Variants in LCE5A observed in about 807,000 individuals in gnomAD.
LCE5A encodes the protein late cornified envelope 5A, also known as late cornified envelope protein 5A.
For synonymous variants in LCE5A, 51 were observed against 54.2 expected (o/e 0.94, Z 0.26); for missense variants, 139 against 147.2 (o/e 0.94, Z 0.29).
chr1:152,511,166 T>C (rs1658557189), intron 1 of LCE5A, among the ~76,000 whole-genome samples, 168 bp downstream of exon 1: 1 of 152,144 alleles, frequency 6.6e-6, no homozygotes, highest in Non-Finnish European at 1.5e-5. Context: ...GGCTCATGCC[T>C]GTAATCCCAG....
Position 152,512,033 on chromosome 1 carries a change from G to C in LCE5A, c.*142G>C. On this transcript the variant is annotated 3_prime_UTR_variant, in exon 2 of 2. Coordinates refer to ENST00000334269, the MANE Select transcript of LCE5A (RefSeq NM_178438.5). Reference sequence around the variant, plus strand: ...AAGTTCCCCTCTTTATCCTGCCCATGTTCACTCCATTGTAGGGTTGAAGTC... The same window carrying C: ...AAGTTCCCCTCTTTATCCTGCCCATCTTCACTCCATTGTAGGGTTGAAGTC... 2 of 727,346 alleles carry C rather than the reference G, an allele frequency of 2.7e-6. 1 individual carries two copies. The highest frequency in any genetic ancestry group is 4.5e-6 in the Non-Finnish European group (2 of 440,510). The allele number at this position is 727,346 out of a possible 1,614,324, so 45.1% of individuals were successfully genotyped here.
rs114266562 is a variant in LCE5A at position 152,511,643 on chromosome 1, C to T, written c.109C>T (p.Pro37Ser). 3 of 1,614,022 alleles carry T rather than the reference C, an allele frequency of 1.9e-6. No individual in the cohort carries two copies. The highest frequency in any genetic ancestry group is 2.5e-6 in the Non-Finnish European group (3 of 1,180,018). ...KCPPKCPPKC[P>S]PQCSAPCPPP... ...TCCTCCCAAGTGTCCCCCAAAATGC[C>T]CTCCCCAGTGTTCAGCCCCATGCCC... is the stretch of plus-strand genomic sequence containing the variant. Residue 37 changes from proline (P) to serine (S), a missense_variant, in exon 2 of 2, where the codon CCT becomes TCT. Pro to Ser is a moderately conservative substitution (Grantham distance 74). Transcript: ENST00000334269.
Position 152,511,950 on chromosome 1 carries a change from G to A in LCE5A, c.*59G>A. On this transcript the variant is annotated 3_prime_UTR_variant, in exon 2 of 2. Coordinates refer to ENST00000334269, the MANE Select transcript of LCE5A (RefSeq NM_178438.5). ...GGCAGATCCCAGGTGCTGAAGATGT[G>A]TGTCAGCCTGAGGCTTCTTTTCTCT... 6.8e-6 allele frequency: 10 copies of A among 1,470,356 alleles called. No homozygotes were observed. Among genetic ancestry groups the A allele is most frequent in the Non-Finnish European group, 9.2e-6 (10 of 1,088,370 alleles). The allele number at this position is 1,470,356 out of a possible 1,614,324, so 91.1% of individuals were successfully genotyped here. A position where few individuals can be genotyped will look rare whatever the true frequency, so the allele number is the denominator to read the frequency against.
At position 152,511,738 on chromosome 1, in the gene LCE5A, C is replaced by T; in HGVS notation, c.204C>T (p.Cys68=). Residue 68 remains cysteine, a synonymous_variant, in exon 2 of 2, where the codon TGC becomes TGT. Transcript: ENST00000334269. ...GCAGCTCTGAGGGTGGTGGCTGCTG[C>T]CTGAGCCACCACAGGCCCCGCCAGT... ...GCCSSEGGGC[C]LSHHRPRQSL... 1 of 1,614,014 alleles carries T rather than the reference C, an allele frequency of 6.2e-7. No homozygotes were observed. The highest frequency in any genetic ancestry group is 8.5e-7 in the Non-Finnish European group (1 of 1,179,916).
Position 152,511,878 on chromosome 1 carries a change from G to T in LCE5A, c.344G>T (p.Gly115Val). 6.2e-7 allele frequency: 1 copy of T among 1,612,056 alleles called. No individual in the cohort carries two copies. Among genetic ancestry groups the T allele is most frequent in the Non-Finnish European group, 8.5e-7 (1 of 1,178,966 alleles). The change falls in exon 2 of 2, where the codon GGA becomes GTA. Residue 115 changes from glycine to valine, a missense_variant. Physicochemically the swap from Gly to Val is moderately radical, Grantham distance 109. Coordinates refer to ENST00000334269, the MANE Select transcript of LCE5A (RefSeq NM_178438.5). The part of the protein sequence containing the change: ...SGGSGCCHSS[G>V]GCC ...GGCTCTGGCTGCTGCCACAGCTCTG[G>T]AGGCTGCTGCTGACCTGGGCCATGA...
Position 152,511,036 on chromosome 1 carries a change from G to T in LCE5A, c.-22+38G>T, listed in dbSNP as rs151260858. On this transcript the variant is annotated intron_variant, in intron 1 of 1. Transcript: ENST00000334269. Reference sequence around the variant, plus strand: ...AATGAAGGACTGATGCCTTTCTGAAGTTCCAAGTTATTCATTTGAAAATAT... The same window carrying T: ...AATGAAGGACTGATGCCTTTCTGAATTTCCAAGTTATTCATTTGAAAATAT... The T allele has an allele frequency of 1.1e-3, 168 of 153,532 alleles. 1 individual carries two copies. The highest frequency in any genetic ancestry group is 0.01 in the Middle Eastern group (3 of 294). The allele number at this position is 153,532 out of a possible 1,614,324, so 9.5% of individuals were successfully genotyped here.
At position 152,510,823 on chromosome 1, in the gene LCE5A, G is replaced by C. The variant is rs1658549717; in HGVS notation, c.-197G>C. ...ACCTCAGTCTACCTGTCTCCTGAGT[G>C]ATCTGCTGCAGTGCCTGAACCAGGT... On this transcript the variant is annotated 5_prime_UTR_variant, in exon 1 of 2. Transcript: ENST00000334269. The C allele has an allele frequency of 6.6e-6, 1 of 152,374 alleles. No homozygotes were observed. Among genetic ancestry groups the C allele is most frequent in the South Asian group, 2.1e-4 (1 of 4,830 alleles). 9.4% of individuals were successfully genotyped at this position (152,374 alleles called of 1,614,324 possible).
rs553052046 is a variant in LCE5A, at chr1:152,510,828, G to C, written c.-192G>C. On this transcript the variant is annotated 5_prime_UTR_variant, in exon 1 of 2. Coordinates refer to ENST00000334269, the MANE Select transcript of LCE5A (RefSeq NM_178438.5). Reference sequence around the variant, plus strand: ...AGTCTACCTGTCTCCTGAGTGATCTGCTGCAGTGCCTGAACCAGGTAGAGT... The same window carrying C: ...AGTCTACCTGTCTCCTGAGTGATCTCCTGCAGTGCCTGAACCAGGTAGAGT... 1 of 152,492 alleles carries C rather than the reference G, an allele frequency of 6.6e-6. No individual in the cohort carries two copies. The highest frequency in any genetic ancestry group is 1.5e-5 in the Non-Finnish European group (1 of 68,194). The allele number at this position is 152,492 out of a possible 1,614,324, so 9.4% of individuals were successfully genotyped here.
At chr1:152,511,384 T>G in intron 1 of LCE5A, 130 bp from the exon 2 acceptor site, 1 of 679,172 alleles carries the variant, frequency 1.5e-6, no homozygotes, top group Non-Finnish European at 2.5e-6. Context: ...AGTGACAGAG[T>G]GAGACTCCAT....
In LCE5A at chr1:152,511,539, C is replaced by T. The variant is rs868399599; in HGVS notation, c.5C>T (p.Ser2Phe). The change falls in exon 2 of 2, where the codon TCC (serine) becomes TTC (phenylalanine). Residue 2 changes from serine to phenylalanine, a missense_variant. Ser to Phe is a radical substitution (Grantham distance 155). Transcript: ENST00000334269. M[S>F]CQQSQQQCQP... ...CTTTATTCAGCTTCTACAGAGATGT[C>T]CTGCCAGCAGAGCCAGCAGCAGTGC... is the stretch of plus-strand genomic sequence containing the variant. The T allele has an allele frequency of 1.9e-6, 3 of 1,613,714 alleles. No homozygotes were observed. The highest frequency in any genetic ancestry group is 1.7e-5 in the Admixed American group (1 of 60,024).
chr1:152,511,664 T>A lies in LCE5A; in HGVS notation c.130T>A (p.Cys44Ser). 1 of 1,614,156 alleles carries A rather than the reference T, an allele frequency of 6.2e-7. No homozygotes were observed. ...ATGCCCTCCCCAGTGTTCAGCCCCA[T>A]GCCCACCTCCAGTCTCTTCCTGCTG... ...PKCPPQCSAP[C>S]PPPVSSCCGS... The change falls in exon 2 of 2, where the codon TGC (cysteine) becomes AGC (serine). Residue 44 changes from cysteine to serine, a missense_variant. Transcript: ENST00000334269.
In LCE5A at chr1:152,511,748, C is replaced by T. The variant is rs1388734168; in HGVS notation, c.214C>T (p.His72Tyr). Residue 72 changes from histidine (H) to tyrosine (Y), a missense_variant, in exon 2 of 2, where the codon CAC (histidine) becomes TAC (tyrosine). His to Tyr is a moderately conservative substitution (Grantham distance 83). Coordinates refer to ENST00000334269, the MANE Select transcript of LCE5A (RefSeq NM_178438.5). ...GGGTGGTGGCTGCTGCCTGAGCCAC[C>T]ACAGGCCCCGCCAGTCCCTCCGACG... ...SEGGGCCLSH[H>Y]RPRQSLRRRP... is the part of the protein sequence containing the mutation. 1 of 1,613,566 alleles carries T rather than the reference C, an allele frequency of 6.2e-7. No homozygotes were observed. Among genetic ancestry groups the T allele is most frequent in the Non-Finnish European group, 8.5e-7 (1 of 1,179,742 alleles).
Position 152,512,152 on chromosome 1 carries a change from G to A in LCE5A, c.*261G>A, listed in dbSNP as rs1268195814. 2 of 491,350 alleles carry A rather than the reference G, an allele frequency of 4.1e-6. No individual in the cohort carries two copies. The highest frequency in any genetic ancestry group is 7.3e-6 in the Non-Finnish European group (2 of 272,550). The allele number at this position is 491,350 out of a possible 1,614,324, so 30.4% of individuals were successfully genotyped here. On this transcript the variant is annotated 3_prime_UTR_variant, in exon 2 of 2. Coordinates refer to ENST00000334269, the MANE Select transcript of LCE5A (RefSeq NM_178438.5). ...ATTCAGTTATGAAGCTATTTTCTCT[G>A]TAACAATAAAGCTTTTTATTCCTGA... is the stretch of plus-strand genomic sequence containing the variant.
Position 152,511,669 on chromosome 1 carries a change from A to T in LCE5A, c.135A>T (p.Pro45=). The change falls in exon 2 of 2, where the codon CCA becomes CCT. Residue 45 remains proline (P), a synonymous_variant. Transcript: ENST00000334269. ...KCPPQCSAPC[P]PPVSSCCGSS... is the part of the protein sequence containing the mutation. ...CTCCCCAGTGTTCAGCCCCATGCCCACCTCCAGTCTCTTCCTGCTGTGGTT... is the reference window on the plus strand; with the variant it reads ...CTCCCCAGTGTTCAGCCCCATGCCCTCCTCCAGTCTCTTCCTGCTGTGGTT... 2 of 1,613,638 alleles carry T rather than the reference A, an allele frequency of 1.2e-6. No homozygotes were observed. Among genetic ancestry groups the T allele is most frequent in the Non-Finnish European group, 1.7e-6 (2 of 1,179,912 alleles).
chr1:152,511,557 A>G lies in LCE5A; in HGVS notation c.23A>G (p.Gln8Arg). Residue 8 changes from glutamine to arginine, a missense_variant, in exon 2 of 2, where the codon CAG becomes CGG. Gln to Arg is a conservative substitution (Grantham distance 43). Transcript: ENST00000334269. MSCQQSQ[Q>R]QCQPPPKCTP... Reference sequence around the variant, plus strand: ...GAGATGTCCTGCCAGCAGAGCCAGCAGCAGTGCCAGCCTCCTCCCAAATGT... The same window carrying G: ...GAGATGTCCTGCCAGCAGAGCCAGCGGCAGTGCCAGCCTCCTCCCAAATGT... 1 of 1,614,200 alleles carries G rather than the reference A, an allele frequency of 6.2e-7. No individual in the cohort carries two copies. The highest frequency in any genetic ancestry group is 2.2e-5 in the East Asian group (1 of 44,888).
chr1:152,511,870 C>T lies in LCE5A; in HGVS notation c.336C>T (p.His112=), dbSNP rs764473451. ...CHSSGGSGCC[H]SSGGCC is the part of the protein sequence containing the mutation. ...GCTCTGGGGGCTCTGGCTGCTGCCA[C>T]AGCTCTGGAGGCTGCTGCTGACCTG... The change falls in exon 2 of 2, where the codon CAC becomes CAT. Residue 112 remains histidine (H), a synonymous_variant. Coordinates refer to ENST00000334269, the MANE Select transcript of LCE5A (RefSeq NM_178438.5). 2 of 1,612,980 alleles carry T rather than the reference C, an allele frequency of 1.2e-6. No individual in the cohort carries two copies. Among genetic ancestry groups the T allele is most frequent in the South Asian group, 1.1e-5 (1 of 90,956 alleles).
rs756715423 is a variant in LCE5A at position 152,511,771 on chromosome 1, A to C, written c.237A>C (p.Arg79=). 9.3e-6 allele frequency: 15 copies of C among 1,613,814 alleles called. No homozygotes were observed. Among genetic ancestry groups the C allele is most frequent in the East Asian group, 4.5e-5 (2 of 44,866 alleles). ...LSHHRPRQSL[R]RRPQSSSCCG... ...ACCACAGGCCCCGCCAGTCCCTCCG[A>C]CGCCGACCTCAGAGTTCCAGCTGCT... Residue 79 remains arginine, a synonymous_variant, in exon 2 of 2, where the codon CGA becomes CGC. Transcript: ENST00000334269.
chr1:152,511,716 G>C lies in LCE5A; in HGVS notation c.182G>C (p.Ser61Thr), dbSNP rs1458621849. The stretch of plus-strand genomic sequence containing the variant: ...GGTTCCAGCTCTGGGGGCTGCTGCA[G>C]CTCTGAGGGTGGTGGCTGCTGCCTG... ...CCGSSSGGCC[S>T]SEGGGCCLSH... The change falls in exon 2 of 2, where the codon AGC becomes ACC. Residue 61 changes from serine (S) to threonine (T), a missense_variant. Physicochemically the swap from Ser to Thr is moderately conservative, Grantham distance 58. Transcript: ENST00000334269. 1 of 1,614,124 alleles carries C rather than the reference G, an allele frequency of 6.2e-7. No individual in the cohort carries two copies. Among genetic ancestry groups the C allele is most frequent in the Admixed American group, 1.7e-5 (1 of 60,020 alleles).
rs1265715183 is a variant in LCE5A, at chr1:152,511,720, T to TGA, written c.188_189dup (p.Gly64ArgfsTer7). On this transcript the variant is annotated frameshift_variant, in exon 2 of 2. Transcript: ENST00000334269. LOFTEE classifies it low-confidence loss of function (END_TRUNC). ...CCAGCTCTGGGGGCTGCTGCAGCTC[T>TGA]GAGGGTGGTGGCTGCTGCCTGAGCC... is the stretch of plus-strand genomic sequence containing the variant. The TGA allele has an allele frequency of 6.2e-7, 1 of 1,613,354 alleles. No individual in the cohort carries two copies. Among genetic ancestry groups the TGA allele is most frequent in the East Asian group, 2.2e-5 (1 of 44,872 alleles).
Sources: gnomAD v4.1 joint callset for allele counts (sites outside exome capture counted in the v4.1 genomes callset) on GRCh38, gnomAD v4.1.1 for gene constraint, MANE v1.5 for transcripts, NCBI Gene and HGNC (gene_info 2026-07-23, HGNC 2026-07-21) for gene names.